ZNF90: variants seen among roughly 807,000 people sequenced by gnomAD.
The protein encoded by ZNF90 is zinc finger protein 90.
A neutral mutation model predicts 12.0 loss-of-function variants in ZNF90; 11 were observed. That is an observed-to-expected ratio of 0.92 (90% CI 0.58 to 1.52). The LOEUF is 1.52. Among genes scored for constraint, ZNF90 ranks in the 40% most tolerant of loss-of-function variants. The pLI is 0.00. For missense variants in ZNF90, 765 were observed against 711.5 expected (o/e 1.08, Z -0.86); for synonymous variants, 232 against 240.1 (o/e 0.97, Z 0.31).
Position 20,119,488 on chromosome 19 carries a change from A to G in ZNF90, c.*128A>G. 5 of 790,792 alleles carry G rather than the reference A, an allele frequency of 6.3e-6. No individual in the cohort carries two copies. The highest frequency in any genetic ancestry group is 2.9e-5 in the Admixed American group (1 of 33,910). The allele number at this position is 790,792 out of a possible 1,614,324, so 49.0% of individuals were successfully genotyped here. ...CTAAATATGAGAATTTATATGAAAC[A>G]TAACTCCTACAAAAATAAAGAATGT... On this transcript the variant is annotated 3_prime_UTR_variant, in exon 4 of 4. Transcript: ENST00000418063.
At chr19:20,079,876 G>T in intron 1 of ZNF90, 2 of 414,180 alleles carry the variant, frequency 4.8e-6, no homozygotes, top group South Asian at 1.9e-5. Flanking sequence ...CTGCCCTGCT[G>T]GAACTGCTCC....
At chr19:20,098,119 A>G (rs1262547162) in intron 1 of ZNF90, among the ~76,000 whole-genome samples, 1 of 152,086 alleles carries the variant, frequency 6.6e-6, no homozygotes, top group Non-Finnish European at 1.5e-5. Flanking sequence ...TGTTTTTTTC[A>G]TGTAGACTTA....
intron 3 of ZNF90, 39 bp from the exon 4 acceptor site, chr19:20,117,742 C>T (rs2089152456): frequency 1.4e-6 from 2 of 1,449,762 alleles, no homozygotes; most frequent in Non-Finnish European, 1.8e-6. Context: ...TTATCAGAAT[C>T]TAGCAATTGA....
intron 1 of ZNF90, among the ~76,000 whole-genome samples, chr19:20,100,895 C>G (rs1223479003): frequency 1.3e-5 from 2 of 152,144 alleles, no homozygotes; most frequent in African/African-American, 4.8e-5. Context: ...CATGTATCAC[C>G]TGAGAGCAGA....
At chr19:20,101,935 G>A (rs1432677044) in intron 1 of ZNF90, among the ~76,000 whole-genome samples, 1 of 152,022 alleles carries the variant, frequency 6.6e-6, no homozygotes, top group Non-Finnish European at 1.5e-5. Flanking sequence ...GGTAGTCAAG[G>A]GTCTCTGAAA....
chr19:20,114,197 AG>A (rs112098891), intron 3 of ZNF90, among the ~76,000 whole-genome samples: 5,431 of 152,272 alleles, frequency 0.036, 332 homozygotes, highest in African/African-American at 0.12. Context: ...AGGCTGAGAC[AG>A]GGGAATTGGT....
chr19:20,082,314 C>T (rs978486664), intron 1 of ZNF90, among the ~76,000 whole-genome samples: 20 of 152,158 alleles, frequency 1.3e-4, no homozygotes, highest in Admixed American at 1.3e-3. Context: ...TAAATAATAA[C>T]ATGCATTTGG....
Position 20,118,782 on chromosome 19 carries a change from T to C in ZNF90, c.1228T>C (p.Ser410Pro), listed in dbSNP as rs1241879674. ...ATGTGGCAAAGCCTTCAAGCGCTCC[T>C]CAACACTTACTATACATAAGATAAG... ...EECGKAFKRS[S>P]TLTIHKISHT... is the part of the protein sequence containing the mutation. The change falls in exon 4 of 4, where the codon TCA (serine) becomes CCA (proline). Residue 410 changes from serine to proline, a missense_variant. By Grantham distance (74) the Ser-to-Pro change is moderately conservative. Transcript: ENST00000418063. 6.8e-6 allele frequency: 11 copies of C among 1,606,836 alleles called. No individual in the cohort carries two copies. The highest frequency in any genetic ancestry group is 9.3e-6 in the Non-Finnish European group (11 of 1,176,528).
intron 3 of ZNF90, among the ~76,000 whole-genome samples, chr19:20,105,531 C>T (rs978580657): frequency 2.0e-5 from 3 of 152,164 alleles, no homozygotes; most frequent in Admixed American, 6.5e-5. Flanking sequence ...ACTTTTCTTT[C>T]GGTGAGCTTC....
At chr19:20,090,554 G>T (rs546773573) in intron 1 of ZNF90, among the ~76,000 whole-genome samples, 4 of 152,150 alleles carry the variant, frequency 2.6e-5, no homozygotes, top group Non-Finnish European at 5.9e-5. Context: ...GTAGGGTCCC[G>T]TCCATCGAGG....
intron 1 of ZNF90, among the ~76,000 whole-genome samples, chr19:20,083,259 C>G (rs574760876): frequency 6.6e-6 from 1 of 152,048 alleles, no homozygotes; most frequent in African/African-American, 2.4e-5. Context: ...TAGTCCCACC[C>G]GATGAGAAAT....
At position 20,119,440 on chromosome 19, in the gene ZNF90, C is replaced by G. The variant is rs2089177040; in HGVS notation, c.*80C>G. 8.2e-7 allele frequency: 1 copy of G among 1,213,416 alleles called. No homozygotes were observed. The highest frequency in any genetic ancestry group is 2.5e-5 in the East Asian group (1 of 39,396). The allele number at this position is 1,213,416 out of a possible 1,614,324, so 75.2% of individuals were successfully genotyped here. A position where few individuals can be genotyped will look rare whatever the true frequency, so the allele number is the denominator to read the frequency against. ...ATAAATGTGATGACTGTTGGAAAGC[C>G]TTTGACCACCCCTCTACTCTTACTA... On this transcript the variant is annotated 3_prime_UTR_variant, in exon 4 of 4. Transcript: ENST00000418063.
chr19:20,116,516 T>C (rs7258668), intron 3 of ZNF90, among the ~76,000 whole-genome samples: 2 of 152,250 alleles, frequency 1.3e-5, no homozygotes, highest in Non-Finnish European at 2.9e-5. Flanking sequence ...CTTTTTATAG[T>C]TGCTTTTGAA....
At chr19:20,092,755 G>T (rs147141627) in intron 1 of ZNF90, among the ~76,000 whole-genome samples, 1 of 152,196 alleles carries the variant, frequency 6.6e-6, no homozygotes, top group African/African-American at 2.4e-5. Flanking sequence ...GAATTATGCC[G>T]AGGTAGGTAA....
intron 3 of ZNF90, 88 bp downstream of exon 3, chr19:20,105,404 A>T (rs1445681801): frequency 3.6e-6 from 4 of 1,097,412 alleles, no homozygotes; most frequent in Non-Finnish European, 5.2e-6. Context: ...AATGTGATTT[A>T]GGAAGCTGTG....
chr19:20,092,394 G>A (rs1489383068), intron 1 of ZNF90, among the ~76,000 whole-genome samples: 1 of 152,172 alleles, frequency 6.6e-6, no homozygotes, highest in African/African-American at 2.4e-5. Flanking sequence ...GCTACAGGAT[G>A]CGATCCTGGT....
rs2089181299 is a variant in ZNF90 at position 20,119,879 on chromosome 19, C to T, written c.*519C>T. The stretch of plus-strand genomic sequence containing the variant: ...GATTACAGTCATGAGCATCCATGCC[C>T]AGCCACAAGTTCTCAGTTCTTAAGA... On this transcript the variant is annotated 3_prime_UTR_variant, in exon 4 of 4. Transcript: ENST00000418063. The T allele has an allele frequency of 6.5e-6, 1 of 154,180 alleles. No homozygotes were observed. The highest frequency in any genetic ancestry group is 6.4e-5 in the Admixed American group (1 of 15,626). The allele number at this position is 154,180 out of a possible 1,614,324, so 9.6% of individuals were successfully genotyped here.
chr19:20,092,989 C>T (rs373918210), intron 1 of ZNF90, among the ~76,000 whole-genome samples: 94 of 152,242 alleles, frequency 6.2e-4, no homozygotes, highest in African/African-American at 2.1e-3. Context: ...TGAAACCCTG[C>T]GGCAGCACAG....
chr19:20,085,206 A>G (rs941469244), intron 1 of ZNF90, among the ~76,000 whole-genome samples: 22 of 151,934 alleles, frequency 1.4e-4, no homozygotes, highest in African/African-American at 5.1e-4. Context: ...CAGCTTTGTC[A>G]GAAATCTGAT....
Sources: allele counts gnomAD v4.1 joint callset (sites outside exome capture counted in the v4.1 genomes callset), GRCh38; gene constraint gnomAD v4.1.1; transcripts MANE v1.5; gene names NCBI Gene and HGNC (gene_info 2026-07-23, HGNC 2026-07-21).